Variants in DLGAP2 observed in about 807,000 individuals in gnomAD.
DLGAP2 encodes DLG associated protein 2.
Under a neutral mutation model 100.3 loss-of-function variants are expected in DLGAP2, and 26 were observed. The observed-to-expected ratio is 0.26, with a 90% confidence interval of 0.19 to 0.36. DLGAP2 has a LOEUF of 0.36. Among genes scored for constraint, DLGAP2 ranks in the 10% least tolerant of loss-of-function variants. The pLI is 1.00. For missense variants in DLGAP2, 1,858 were observed against 1,453.2 expected, an observed-to-expected ratio of 1.28 and a Z score of -4.53; for synonymous variants, 886 against 630.1, an observed-to-expected ratio of 1.41 and a Z score of -6.08.
intron 3 of DLGAP2, among the ~76,000 whole-genome samples, chr8:1,312,926 C>T (rs937178263): frequency 1.6e-4 from 24 of 152,182 alleles, no homozygotes; most frequent in Admixed American, 1.6e-3. Flanking sequence ...ATGAGTGAGG[C>T]CAAGCCCTAC....
At chr8:752,121 G>T (rs1008171246) in intron 1 of DLGAP2, among the ~76,000 whole-genome samples, 1 of 152,310 alleles carries the variant, frequency 6.6e-6, no homozygotes, top group South Asian at 2.1e-4. Flanking sequence ...TTCGAGGTGA[G>T]GGTGCTGGGT....
intron 2 of DLGAP2, among the ~76,000 whole-genome samples, chr8:1,136,019 A>C (rs1294549240): frequency 6.6e-6 from 1 of 152,220 alleles, no homozygotes; most frequent in African/African-American, 2.4e-5. Flanking sequence ...TATTCAAGTC[A>C]AGAAGCTCAT....
At chr8:756,422 A>G (rs1340965710) in intron 1 of DLGAP2, among the ~76,000 whole-genome samples, 1 of 152,246 alleles carries the variant, frequency 6.6e-6, no homozygotes, top group Non-Finnish European at 1.5e-5. Context: ...TCTGTTTTTA[A>G]TTAGCACAGA....
At chr8:1,171,771 A>T (rs4535762) in intron 2 of DLGAP2, among the ~76,000 whole-genome samples, 1 of 151,478 alleles carries the variant, frequency 6.6e-6, no homozygotes, top group African/African-American at 2.4e-5. Flanking sequence ...TTGAGCCTAT[A>T]TGTGTCTCTG....
At chr8:837,932 G>T (rs1261748187) in intron 1 of DLGAP2, among the ~76,000 whole-genome samples, 4 of 144,308 alleles carry the variant, frequency 2.8e-5, no homozygotes, top group Admixed American at 2.2e-4. Context: ...AGGGGGTTTC[G>T]CCATGTTGGC....
intron 2 of DLGAP2, among the ~76,000 whole-genome samples, chr8:1,205,706 C>G (rs772796597): frequency 6.6e-6 from 1 of 152,170 alleles, no homozygotes; most frequent in Non-Finnish European, 1.5e-5. Flanking sequence ...GGGATTCGGA[C>G]AGGTTCTCAG....
chr8:1,076,257 G>C (rs1413051399), intron 2 of DLGAP2, among the ~76,000 whole-genome samples: 1 of 152,174 alleles, frequency 6.6e-6, no homozygotes, highest in Non-Finnish European at 1.5e-5. Flanking sequence ...AGCCTATACC[G>C]CGTGCTGGTG....
At chr8:1,277,402 C>T (rs774191231) in intron 3 of DLGAP2, among the ~76,000 whole-genome samples, 76 of 152,006 alleles carry the variant, frequency 5.0e-4, no homozygotes, top group Non-Finnish European at 8.2e-4. Context: ...TAAGAGAGCA[C>T]GGAGAAATAC....
intron 5 of DLGAP2, among the ~76,000 whole-genome samples, chr8:1,561,628 T>A (rs900116752): frequency 6.6e-6 from 1 of 152,188 alleles, no homozygotes; most frequent in Admixed American, 6.5e-5. Context: ...GTGCTACAGC[T>A]GTGATCCACC....
intron 2 of DLGAP2, among the ~76,000 whole-genome samples, chr8:987,978 C>G (rs1233604900): frequency 6.6e-6 from 1 of 152,154 alleles, no homozygotes; most frequent in African/African-American, 2.4e-5. Context: ...TGATATCCAT[C>G]AAAACAAGTC....
chr8:1,042,963 T>C (rs1474506779), intron 2 of DLGAP2, among the ~76,000 whole-genome samples: 36 of 116,540 alleles, frequency 3.1e-4, no homozygotes, highest in African/African-American at 1.2e-3. Flanking sequence ...TGGTAGGTGG[T>C]GGATGTGGGT....
chr8:1,661,609 G>A (rs753094752), intron 8 of DLGAP2, among the ~76,000 whole-genome samples: 12 of 152,128 alleles, frequency 7.9e-5, no homozygotes, highest in East Asian at 1.9e-4. Flanking sequence ...AGGAAGAGGC[G>A]GCCACCAGGA....
At chr8:1,214,974 T>C (rs11996596) in intron 2 of DLGAP2, among the ~76,000 whole-genome samples, 15,136 of 152,216 alleles carry the variant, frequency 0.099, 1,570 homozygotes, top group African/African-American at 0.27. Flanking sequence ...CAATCTCGTT[T>C]CGGGAGAGCA....
At chr8:900,693 C>T (rs1798235198) in intron 1 of DLGAP2, among the ~76,000 whole-genome samples, 2 of 152,188 alleles carry the variant, frequency 1.3e-5, no homozygotes, top group Non-Finnish European at 1.5e-5. Context: ...CAGGAGGCGG[C>T]TGCAGCCCGA....
intron 2 of DLGAP2, among the ~76,000 whole-genome samples, chr8:1,225,732 G>T (rs925701513): frequency 6.6e-6 from 1 of 152,166 alleles, no homozygotes; most frequent in Non-Finnish European, 1.5e-5. Context: ...TTGGTCCAAG[G>T]ACAGAACATC....
chr8:1,112,777 A>G (rs1805001324), intron 2 of DLGAP2, among the ~76,000 whole-genome samples: 1 of 152,106 alleles, frequency 6.6e-6, no homozygotes, highest in Non-Finnish European at 1.5e-5. Context: ...GAATCATGAA[A>G]TCTTTGCTCA....
chr8:799,324 C>T (rs1317204371), intron 1 of DLGAP2, among the ~76,000 whole-genome samples: 1 of 152,044 alleles, frequency 6.6e-6, no homozygotes, highest in East Asian at 1.9e-4. Context: ...TTGCGCTTGT[C>T]TCGTGGGCAG....
chr8:751,733 C>G (rs920839007), intron 1 of DLGAP2, among the ~76,000 whole-genome samples: 1 of 151,784 alleles, frequency 6.6e-6, no homozygotes, highest in Non-Finnish European at 1.5e-5. Flanking sequence ...ATAGTAAGTC[C>G]TTATAGGAAG....
At chr8:1,461,139 G>A (rs1332293521) in intron 3 of DLGAP2, among the ~76,000 whole-genome samples, 7 of 151,660 alleles carry the variant, frequency 4.6e-5, no homozygotes, top group African/African-American at 1.5e-4. Context: ...GTGGCCAGGA[G>A]GAGGGAGAAG....
Sources: gnomAD v4.1 joint callset for allele counts (sites outside exome capture counted in the v4.1 genomes callset) on GRCh38, gnomAD v4.1.1 for gene constraint, MANE v1.5 for transcripts, NCBI Gene and HGNC (gene_info 2026-07-23, HGNC 2026-07-21) for gene names.